Variants in GRIA4 observed in about 807,000 individuals in gnomAD.
GRIA4 encodes the protein glutamate receptor 4.
Under a neutral mutation model 104.0 loss-of-function variants are expected in GRIA4, and 34 were observed. The ratio of observed to expected loss-of-function variants is 0.33; its 90% CI spans 0.25 to 0.44. The LOEUF (loss-of-function observed/expected upper bound fraction) is 0.44, where lower values mean the gene tolerates loss of function less well. GRIA4 is among the 20% of genes least tolerant of loss of function. The pLI, the probability that GRIA4 is intolerant of heterozygous loss-of-function variation, is 1.00. For synonymous variants in GRIA4, 386 were observed against 381.9 expected (o/e 1.01, Z -0.13); for missense variants, 750 against 1,096.5 (o/e 0.68, Z 4.46).
chr11:105,764,261 C>T (rs556423486), intron 4 of GRIA4, among the ~76,000 whole-genome samples: 188 of 152,216 alleles, frequency 1.2e-3, no homozygotes, highest in African/African-American at 4.3e-3. Flanking sequence ...CTCAGCCTCC[C>T]GAGTGGCTGG....
chr11:105,911,893 T>C (rs1947258735), intron 10 of GRIA4: 3 of 1,562,350 alleles, frequency 1.9e-6, no homozygotes, highest in East Asian at 4.6e-5. Context: ...TGAAGAATCC[T>C]ATTTTAAGAA....
At chr11:105,863,219 G>T (rs80280861) in intron 5 of GRIA4, among the ~76,000 whole-genome samples, 12,926 of 152,076 alleles carry the variant, frequency 0.085, 623 homozygotes, top group Non-Finnish European at 0.12. Context: ...GCAGGCAAGG[G>T]ACTAGATGTC....
At chr11:105,734,660 C>T (rs1938819161) in intron 3 of GRIA4, among the ~76,000 whole-genome samples, 1 of 152,110 alleles carries the variant, frequency 6.6e-6, no homozygotes, top group African/African-American at 2.4e-5. Context: ...TCACCACTTC[C>T]CCTCCCTCTC....
At chr11:105,929,334 A>T (rs1197727468) in intron 13 of GRIA4, among the ~76,000 whole-genome samples, 1 of 152,120 alleles carries the variant, frequency 6.6e-6, no homozygotes, top group South Asian at 2.1e-4. Flanking sequence ...GCTTCAAAAA[A>T]ATGCCACAGT....
intron 3 of GRIA4, among the ~76,000 whole-genome samples, chr11:105,746,309 G>A (rs1939652980): frequency 6.6e-6 from 1 of 151,770 alleles, no homozygotes; most frequent in African/African-American, 2.4e-5. Context: ...AGAAAATATA[G>A]CCCTTAGGAA....
intron 14 of GRIA4, among the ~76,000 whole-genome samples, chr11:105,967,978 A>G (rs1858479081): frequency 6.6e-6 from 1 of 152,214 alleles, no homozygotes; most frequent in African/African-American, 2.4e-5. Flanking sequence ...GATGTAAAAT[A>G]AGGAGAAAAA....
chr11:105,610,125 G>A lies in GRIA4; in HGVS notation c.-394G>A. 6.5e-6 allele frequency: 1 copy of A among 152,750 alleles called. No homozygotes were observed. The highest frequency in any genetic ancestry group is 1.5e-5 in the Non-Finnish European group (1 of 68,404). The allele number at this position is 152,750 out of a possible 1,614,324, so 9.5% of individuals were successfully genotyped here. On this transcript the variant is annotated 5_prime_UTR_variant, in exon 1 of 17. Transcript: ENST00000282499. ...GGAAGCCAGGACTGTAGGAGAGGGA[G>A]GCAGCCCGTCCTCCTCACGAACCTG...
intron 4 of GRIA4, among the ~76,000 whole-genome samples, chr11:105,794,048 A>G (rs1047006732): frequency 1.1e-4 from 16 of 152,066 alleles, no homozygotes; most frequent in Admixed American, 8.5e-4. Flanking sequence ...AAACACAAAG[A>G]GATGTGAGAA....
chr11:105,940,057 C>G (rs1260030704), intron 14 of GRIA4, among the ~76,000 whole-genome samples: 1 of 151,966 alleles, frequency 6.6e-6, no homozygotes, highest in Non-Finnish European at 1.5e-5. Context: ...TGGTAGAGTA[C>G]AGAAGGACTG....
chr11:105,709,168 T>C (rs750848547), intron 3 of GRIA4, among the ~76,000 whole-genome samples: 1 of 152,090 alleles, frequency 6.6e-6, no homozygotes. Context: ...GAGCTACAAA[T>C]GAGTAGCTCT....
chr11:105,948,462 G>A (rs1019376721), intron 14 of GRIA4, among the ~76,000 whole-genome samples: 3 of 151,806 alleles, frequency 2.0e-5, no homozygotes, highest in African/African-American at 7.3e-5. Context: ...AACCACAGTT[G>A]ACACTTAATA....
At chr11:105,670,873 T>C (rs1952339805) in intron 3 of GRIA4, among the ~76,000 whole-genome samples, 1 of 152,154 alleles carries the variant, frequency 6.6e-6, no homozygotes, top group African/African-American at 2.4e-5. Flanking sequence ...CTTACTGGGC[T>C]AAAATCAATA....
chr11:105,636,795 C>A (rs754830923), intron 3 of GRIA4, among the ~76,000 whole-genome samples: 3 of 152,122 alleles, frequency 2.0e-5, no homozygotes, highest in African/African-American at 7.2e-5. Flanking sequence ...AACAGCGAAC[C>A]AATTCAAATA....
At chr11:105,976,702 C>G (rs1159779739) in intron 16 of GRIA4, among the ~76,000 whole-genome samples, 2 of 151,906 alleles carry the variant, frequency 1.3e-5, no homozygotes, top group African/African-American at 2.4e-5. Flanking sequence ...AAAACTGGCA[C>G]CTTCAATCCA....
In GRIA4 at chr11:105,692,203, G is replaced by A. The variant is rs139546150; in HGVS notation, c.248-60778G>A. Among the ~76,000 whole-genome samples the A allele has an allele frequency of 3.4e-3, 512 of 151,768 alleles. 4 individuals carry two copies. The highest frequency in any genetic ancestry group is 5.4e-3 in the Non-Finnish European group (370 of 67,952). On this transcript the variant is annotated intron_variant, in intron 3 of 16. Transcript: ENST00000282499. Reference sequence around the variant, plus strand: ...TTCCCATTTATTAAGAACCCCCCATGGGTCAGATCTGCATTAGGCACATTA... The same window carrying A: ...TTCCCATTTATTAAGAACCCCCCATAGGTCAGATCTGCATTAGGCACATTA...
chr11:105,825,366 C>T (rs181273233), intron 4 of GRIA4, among the ~76,000 whole-genome samples: 1 of 152,152 alleles, frequency 6.6e-6, no homozygotes, highest in Admixed American at 6.5e-5. Flanking sequence ...ACTGCTAAGC[C>T]AGCAATGTGG....
chr11:105,674,771 T>C (rs2135448440), intron 3 of GRIA4, among the ~76,000 whole-genome samples: 1 of 151,968 alleles, frequency 6.6e-6, no homozygotes, highest in South Asian at 2.1e-4. Context: ...AAGAAGAAAA[T>C]GGAATCTTAC....
At chr11:105,948,364 GA>G (rs1331701525) in intron 14 of GRIA4, among the ~76,000 whole-genome samples, 1 of 152,020 alleles carries the variant, frequency 6.6e-6, no homozygotes, top group Non-Finnish European at 1.5e-5. Flanking sequence ...GAATTTAATG[GA>G]AAATTTATAG....
intron 5 of GRIA4, among the ~76,000 whole-genome samples, chr11:105,881,342 G>A (rs1052503933): frequency 1.3e-5 from 2 of 152,168 alleles, no homozygotes; most frequent in Non-Finnish European, 2.9e-5. Context: ...AAAACCTACA[G>A]GCAAGGAAAT....
Sources: allele counts gnomAD v4.1 joint callset (sites outside exome capture counted in the v4.1 genomes callset), GRCh38; gene constraint gnomAD v4.1.1; transcripts MANE v1.5; gene names NCBI Gene and HGNC (gene_info 2026-07-23, HGNC 2026-07-21).